PTK2B: variants seen among roughly 807,000 people sequenced by gnomAD.
PTK2B encodes protein tyrosine kinase 2 beta.
A neutral mutation model predicts 142.9 loss-of-function variants in PTK2B; 71 were observed. That is an observed-to-expected ratio of 0.50 (90% CI 0.41 to 0.61). The LOEUF (loss-of-function observed/expected upper bound fraction) is 0.61, where lower values mean the gene tolerates loss of function less well. PTK2B is among the 20% of genes least tolerant of loss of function. PTK2B has a pLI of 0.00. For synonymous variants in PTK2B, 519 were observed against 503.4 expected, an observed-to-expected ratio of 1.03 and a Z score of -0.42; for missense variants, 1,105 against 1,320.4, an observed-to-expected ratio of 0.84 and a Z score of 2.53.
chr8:27,354,696 A>G (rs1291072023), intron 1 of PTK2B, among the ~76,000 whole-genome samples: 10 of 152,230 alleles, frequency 6.6e-5, no homozygotes, highest in Non-Finnish European at 4.4e-5. Context: ...GGTGTGAAGT[A>G]TATGTCAATA....
At chr8:27,404,939 G>A (rs966228101) in intron 2 of PTK2B, among the ~76,000 whole-genome samples, 3 of 152,080 alleles carry the variant, frequency 2.0e-5, no homozygotes, top group Non-Finnish European at 4.4e-5. Context: ...GAGGTCATGA[G>A]AGTGGGGGCC....
At chr8:27,446,033 C>A in intron 24 of PTK2B, 114 bp downstream of exon 24, 2 of 1,452,640 alleles carry the variant, frequency 1.4e-6, no homozygotes, top group South Asian at 1.2e-5. Context: ...TTCCTGTTCC[C>A]ATGCACCAGT....
chr8:27,440,271 G>A lies in PTK2B; in HGVS notation c.1869G>A (p.Lys623=), dbSNP rs1193994568. ...TGTGGGAGATCCTGAGCTTTGGGAA[G>A]CAGCCCTTCTTCTGGCTGGAGAACA... ...VCMWEILSFG[K]QPFFWLENKD... Residue 623 remains lysine (K), a synonymous_variant, in exon 21 of 31, where the codon AAG becomes AAA. Coordinates refer to ENST00000346049, the MANE Select transcript of PTK2B (RefSeq NM_173176.3). 6.2e-7 allele frequency: 1 copy of A among 1,614,228 alleles called. No homozygotes were observed. The highest frequency in any genetic ancestry group is 1.7e-5 in the Admixed American group (1 of 60,030).
At chr8:27,330,408 G>A (rs1292906614) in intron 1 of PTK2B, among the ~76,000 whole-genome samples, 1 of 152,196 alleles carries the variant, frequency 6.6e-6, no homozygotes, top group Admixed American at 6.5e-5. Context: ...ATTCAATGAT[G>A]TTTGTTTCTG....
At chr8:27,418,065 C>T (rs915268337) in intron 2 of PTK2B, among the ~76,000 whole-genome samples, 1 of 152,238 alleles carries the variant, frequency 6.6e-6, no homozygotes, top group Admixed American at 6.5e-5. Flanking sequence ...TCCCAGTCTT[C>T]ATCCCCTCCA....
Position 27,451,927 on chromosome 8 carries a change from T to A in PTK2B, c.2548+418T>A, listed in dbSNP as rs56654836. The A allele has an allele frequency of 3.6e-3, 1,126 of 313,332 alleles. 14 individuals are homozygous for A. The highest frequency in any genetic ancestry group is 0.024 in the African/African-American group (1,088 of 44,632). The allele number at this position is 313,332 out of a possible 1,614,324, so 19.4% of individuals were successfully genotyped here. A position where few individuals can be genotyped will look rare whatever the true frequency, so the allele number is the denominator to read the frequency against. Reference sequence around the variant, plus strand: ...GAGGAGAGAAAGTGAGAGGGGCAGCTGAGCCCTCAGGCTCTCTCCAGAAGA... The same window carrying A: ...GAGGAGAGAAAGTGAGAGGGGCAGCAGAGCCCTCAGGCTCTCTCCAGAAGA... On this transcript the variant is annotated intron_variant, in intron 27 of 30. Transcript: ENST00000346049.
In PTK2B at chr8:27,431,433, C is replaced by A; in HGVS notation, c.846C>A (p.Gly282=). 1 of 1,614,228 alleles carries A rather than the reference C, an allele frequency of 6.2e-7. No homozygotes were observed. The highest frequency in any genetic ancestry group is 8.5e-7 in the Non-Finnish European group (1 of 1,180,046). Residue 282 remains glycine (G), a synonymous_variant, in exon 9 of 31, where the codon GGC becomes GGA. Transcript: ENST00000346049. ...GWNITVDLVI[G]PKGIRQLTSQ... The stretch of plus-strand genomic sequence containing the variant: ...ACATTACTGTGGACCTGGTCATTGG[C>A]CCTAAAGGGATCCGCCAGCTGACTA...
At chr8:27,320,195 A>AT (rs1433239903) in intron 3 of PTK2B, among the ~76,000 whole-genome samples, 3 of 151,980 alleles carry the variant, frequency 2.0e-5, no homozygotes, top group South Asian at 2.1e-4. Flanking sequence ...CCCTGTTGCC[A>AT]TTTTTTTCCC....
chr8:27,351,069 C>T (rs1460201834), intron 1 of PTK2B, among the ~76,000 whole-genome samples: 1 of 129,524 alleles, frequency 7.7e-6, no homozygotes, highest in Non-Finnish European at 1.6e-5. Flanking sequence ...CAGTGGTGCA[C>T]ACCTGTAGTC....
At chr8:27,357,891 T>C (rs1805477114) in intron 1 of PTK2B, among the ~76,000 whole-genome samples, 1 of 152,218 alleles carries the variant, frequency 6.6e-6, no homozygotes, top group South Asian at 2.1e-4. Context: ...GGAGATTATG[T>C]CAGATGACTG....
At chr8:27,342,931 C>T (rs1804496958) in intron 1 of PTK2B, among the ~76,000 whole-genome samples, 1 of 152,158 alleles carries the variant, frequency 6.6e-6, no homozygotes, top group Non-Finnish European at 1.5e-5. Context: ...TACATTGGCC[C>T]TTGCTGGACA....
chr8:27,456,378 G>GTTGGTGA (rs762829183), intron 30 of PTK2B, among the ~76,000 whole-genome samples: 1 of 152,282 alleles, frequency 6.6e-6, no homozygotes, highest in South Asian at 2.1e-4. Flanking sequence ...AACGGCTATG[G>GTTGGTGA]TTGGTGATTG....
At chr8:27,448,423 A>G (rs1027863862) in intron 24 of PTK2B, among the ~76,000 whole-genome samples, 2 of 152,202 alleles carry the variant, frequency 1.3e-5, no homozygotes, top group Non-Finnish European at 2.9e-5. Context: ...TTTCAGCAAA[A>G]CCAACCTCAA....
intron 1 of PTK2B, among the ~76,000 whole-genome samples, chr8:27,369,080 A>T (rs777061297): frequency 1.3e-5 from 2 of 152,212 alleles, no homozygotes; most frequent in Non-Finnish European, 2.9e-5. Context: ...GCTTCTCAGA[A>T]TAAACAGAGC....
At chr8:27,435,874 G>A (rs1810744959) in intron 14 of PTK2B, 81 bp downstream of exon 14, 2 of 1,491,860 alleles carry the variant, frequency 1.3e-6, no homozygotes, top group East Asian at 4.5e-5. Context: ...ACACCACAGG[G>A]AACATTCTTT....
intron 24 of PTK2B, among the ~76,000 whole-genome samples, chr8:27,450,200 C>T (rs17057205): frequency 1.3e-5 from 2 of 152,094 alleles, no homozygotes; most frequent in African/African-American, 4.8e-5. Flanking sequence ...TTCATGGACA[C>T]ACGTGGGACT....
intron 2 of PTK2B, among the ~76,000 whole-genome samples, chr8:27,408,615 C>T (rs1272793259): frequency 6.6e-6 from 1 of 152,164 alleles, no homozygotes; most frequent in Non-Finnish European, 1.5e-5. Context: ...TGATTTTTTT[C>T]AGTGAACCTT....
chr8:27,386,097 A>G (rs1807335564), intron 1 of PTK2B, among the ~76,000 whole-genome samples: 1 of 152,178 alleles, frequency 6.6e-6, no homozygotes, highest in Admixed American at 6.5e-5. Flanking sequence ...TGTAGTTCTA[A>G]TCAGTATGTA....
chr8:27,333,992 C>T (rs886341302), intron 1 of PTK2B, among the ~76,000 whole-genome samples: 1 of 152,090 alleles, frequency 6.6e-6, no homozygotes, highest in Non-Finnish European at 1.5e-5. Context: ...GGCTTCTCTC[C>T]TCTTCATGGG....
Sources: gnomAD v4.1 joint callset for allele counts (sites outside exome capture counted in the v4.1 genomes callset) on GRCh38, gnomAD v4.1.1 for gene constraint, MANE v1.5 for transcripts, NCBI Gene and HGNC (gene_info 2026-07-23, HGNC 2026-07-21) for gene names.